Variants in PABPC4L observed in about 807,000 individuals in gnomAD.
PABPC4L encodes poly(A) binding protein cytoplasmic 4 like.
For synonymous variants in PABPC4L, 169 were observed against 164.1 expected, an observed-to-expected ratio of 1.03 and a Z score of -0.23; for missense variants, 452 against 451.4, an observed-to-expected ratio of 1.00 and a Z score of -0.01.
At chr4:134,124,892 C>T in the PABPC4L span, among the ~76,000 whole-genome samples, 22 of 152,154 alleles carry the variant, frequency 1.4e-4, no homozygotes, top group Non-Finnish European at 2.5e-4. Context: ...TAGTGAAGGG[C>T]TGTTTTTTCT....
At chr4:134,020,368 A>G in the PABPC4L span, among the ~76,000 whole-genome samples, 1 of 152,146 alleles carries the variant, frequency 6.6e-6, no homozygotes, top group African/African-American at 2.4e-5. Flanking sequence ...TTTCTTAATT[A>G]CTGTATTTTG....
chr4:134,148,074 T>C, the PABPC4L span, among the ~76,000 whole-genome samples: 2 of 152,036 alleles, frequency 1.3e-5, no homozygotes, highest in Middle Eastern at 3.2e-3. Context: ...CCATAACCCA[T>C]TCATTCCCAG....
At chr4:134,109,993 AC>A in the PABPC4L span, among the ~76,000 whole-genome samples, 85 of 152,200 alleles carry the variant, frequency 5.6e-4, no homozygotes, top group Non-Finnish European at 1.2e-3. Flanking sequence ...CCTGTACCTA[AC>A]AATGCAATTA....
At chr4:134,189,304 T>C in the PABPC4L span, among the ~76,000 whole-genome samples, 1 of 116,252 alleles carries the variant, frequency 8.6e-6, no homozygotes, top group Non-Finnish European at 1.7e-5. Context: ...TTGTGATGCT[T>C]GCTGTATCTC....
At chr4:134,124,617 T>C in the PABPC4L span, among the ~76,000 whole-genome samples, 1 of 152,106 alleles carries the variant, frequency 6.6e-6, no homozygotes, top group Non-Finnish European at 1.5e-5. Context: ...GCAGTAGGCA[T>C]TCTTCCAGGA....
chr4:134,025,194 A>T, the PABPC4L span, among the ~76,000 whole-genome samples: 1 of 150,224 alleles, frequency 6.7e-6, no homozygotes, highest in Non-Finnish European at 1.5e-5. Context: ...TTAGCTGTGC[A>T]TGGTAGTGCA....
the PABPC4L span, among the ~76,000 whole-genome samples, chr4:133,973,329 C>A: frequency 6.6e-6 from 1 of 151,070 alleles, no homozygotes; most frequent in East Asian, 1.9e-4. Flanking sequence ...AAAGAAAGGA[C>A]TTACAAAAAT....
At chr4:134,168,760 A>G in the PABPC4L span, among the ~76,000 whole-genome samples, 3 of 152,168 alleles carry the variant, frequency 2.0e-5, no homozygotes, top group East Asian at 3.9e-4. Context: ...CAAACAAGAT[A>G]GAACCAATAA....
the PABPC4L span, among the ~76,000 whole-genome samples, chr4:134,117,200 G>T: frequency 6.6e-6 from 1 of 151,702 alleles, no homozygotes; most frequent in Non-Finnish European, 1.5e-5. Flanking sequence ...ATGGTGAGAG[G>T]GGTCCTATGT....
the PABPC4L span, among the ~76,000 whole-genome samples, chr4:134,024,803 T>C: frequency 2.7e-5 from 4 of 150,532 alleles, no homozygotes; most frequent in Non-Finnish European, 5.9e-5. Context: ...GTCTTTATAA[T>C]AAACTAGCTT....
At chr4:134,184,850 T>A in the PABPC4L span, among the ~76,000 whole-genome samples, 1 of 152,032 alleles carries the variant, frequency 6.6e-6, no homozygotes, top group African/African-American at 2.4e-5. Flanking sequence ...CCTTTTGGAA[T>A]TTGATGTTCT....
At chr4:134,147,886 G>A in the PABPC4L span, among the ~76,000 whole-genome samples, 2 of 151,980 alleles carry the variant, frequency 1.3e-5, no homozygotes, top group Admixed American at 6.6e-5. Flanking sequence ...CAGTCATAAA[G>A]GATGCATTAC....
the PABPC4L span, among the ~76,000 whole-genome samples, chr4:134,053,337 C>T: frequency 6.6e-6 from 1 of 152,010 alleles, no homozygotes; most frequent in Non-Finnish European, 1.5e-5. Context: ...GGATGGGCAC[C>T]CTTGTTTACT....
the PABPC4L span, among the ~76,000 whole-genome samples, chr4:133,985,471 C>T: frequency 6.6e-5 from 10 of 151,860 alleles, no homozygotes; most frequent in Non-Finnish European, 1.5e-5. Context: ...CCAAATATAT[C>T]TTTGCTTAGA....
downstream of PABPC4L, among the ~76,000 whole-genome samples, chr4:134,193,009 T>TTTA (rs1456325190): frequency 6.6e-6 from 1 of 152,094 alleles, no homozygotes; most frequent in Non-Finnish European, 1.5e-5. Flanking sequence ...TTGTGGATAT[T>TTTA]ACCTCTTTAA....
chr4:134,004,951 C>T, the PABPC4L span, among the ~76,000 whole-genome samples: 10 of 151,682 alleles, frequency 6.6e-5, no homozygotes, highest in African/African-American at 1.7e-4. Flanking sequence ...GTACTCAAGG[C>T]GGCAGTGAGA....
At chr4:134,179,305 A>G in the PABPC4L span, among the ~76,000 whole-genome samples, 1 of 152,064 alleles carries the variant, frequency 6.6e-6, no homozygotes, top group African/African-American at 2.4e-5. Flanking sequence ...CAAGTAAAGA[A>G]GAAATAAGAT....
At chr4:134,182,956 A>C in the PABPC4L span, among the ~76,000 whole-genome samples, 1 of 151,976 alleles carries the variant, frequency 6.6e-6, no homozygotes, top group Non-Finnish European at 1.5e-5. Flanking sequence ...TCACAAAATA[A>C]CAGATGTTTG....
the PABPC4L span, among the ~76,000 whole-genome samples, chr4:134,172,944 C>T: frequency 6.6e-6 from 1 of 151,666 alleles, no homozygotes; most frequent in Admixed American, 6.6e-5. Flanking sequence ...AAATGACCAA[C>T]AGTTTTATGA....
Sources: allele counts gnomAD v4.1 joint callset (sites outside exome capture counted in the v4.1 genomes callset), GRCh38; gene constraint gnomAD v4.1.1; transcripts MANE v1.5; gene names NCBI Gene and HGNC (gene_info 2026-07-23, HGNC 2026-07-21).